Variants in PDZRN4 observed in about 807,000 individuals in gnomAD.
The protein encoded by PDZRN4 is PDZ domain-containing RING finger protein 4.
Under a neutral mutation model 99.0 loss-of-function variants are expected in PDZRN4, and 70 were observed. The observed-to-expected ratio is 0.71, with a 90% CI of 0.58 to 0.86. PDZRN4 has a LOEUF of 0.86. Among genes scored for constraint, PDZRN4 ranks in the 40% least tolerant of loss-of-function variants. The pLI, the probability that PDZRN4 is intolerant of heterozygous loss-of-function variation, is 0.00. For missense variants in PDZRN4, 1,474 were observed against 1,331.2 expected (o/e 1.11, Z -1.67); for synonymous variants, 551 against 501.6 (o/e 1.10, Z -1.32).
chr12:41,191,026 C>T (rs1333791855), intron 1 of PDZRN4, among the ~76,000 whole-genome samples: 1 of 152,138 alleles, frequency 6.6e-6, no homozygotes, highest in Non-Finnish European at 1.5e-5. Context: ...TCCAGTGTTT[C>T]TTAAATTCCT....
intron 3 of PDZRN4, among the ~76,000 whole-genome samples, chr12:41,458,389 T>A (rs1952836374): frequency 6.6e-6 from 1 of 152,152 alleles, no homozygotes; most frequent in African/African-American, 2.4e-5. Context: ...ACTACTGACC[T>A]CAGGTGATCC....
intron 3 of PDZRN4, among the ~76,000 whole-genome samples, chr12:41,502,330 C>T (rs941878431): frequency 6.6e-6 from 1 of 152,076 alleles, no homozygotes; most frequent in Non-Finnish European, 1.5e-5. Context: ...ATTGCATATA[C>T]TACTCCTGTT....
intron 3 of PDZRN4, among the ~76,000 whole-genome samples, chr12:41,478,334 T>C (rs1319659320): frequency 6.6e-6 from 1 of 152,136 alleles, no homozygotes; most frequent in African/African-American, 2.4e-5. Flanking sequence ...CAGGCTGATC[T>C]CCAGCTCCTG....
At chr12:41,237,162 T>C (rs1475090290) in intron 3 of PDZRN4, among the ~76,000 whole-genome samples, 2 of 152,130 alleles carry the variant, frequency 1.3e-5, no homozygotes, top group Non-Finnish European at 2.9e-5. Context: ...TTGATACTGG[T>C]GCCCCCTCAT....
intron 3 of PDZRN4, among the ~76,000 whole-genome samples, chr12:41,499,714 G>A (rs1592086024): frequency 1.3e-5 from 2 of 152,034 alleles, no homozygotes; most frequent in East Asian, 3.9e-4. Flanking sequence ...ACAAATAATG[G>A]ATCCATAACC....
intron 3 of PDZRN4, among the ~76,000 whole-genome samples, chr12:41,226,201 G>T (rs1221093445): frequency 6.6e-6 from 1 of 151,938 alleles, no homozygotes; most frequent in East Asian, 1.9e-4. Context: ...CCAGCTTCAT[G>T]GCTTTGCTCC....
chr12:41,239,881 A>T (rs1468653819), intron 3 of PDZRN4, among the ~76,000 whole-genome samples: 1 of 152,206 alleles, frequency 6.6e-6, no homozygotes, highest in African/African-American at 2.4e-5. Context: ...CTTGAAATGG[A>T]TTGGGCTAAA....
At chr12:41,205,378 G>T (rs76699760) in intron 3 of PDZRN4, among the ~76,000 whole-genome samples, 3 of 151,666 alleles carry the variant, frequency 2.0e-5, no homozygotes, top group South Asian at 2.1e-4. Flanking sequence ...CCTTCCCTGC[G>T]CATGGGATAA....
chr12:41,551,306 G>A (rs937626335), intron 5 of PDZRN4, among the ~76,000 whole-genome samples: 11 of 152,018 alleles, frequency 7.2e-5, no homozygotes, highest in Admixed American at 3.3e-4. Flanking sequence ...ACCTACCAAA[G>A]TTGATTACCT....
intron 5 of PDZRN4, among the ~76,000 whole-genome samples, chr12:41,532,193 G>A (rs190398484): frequency 2.6e-5 from 4 of 151,974 alleles, no homozygotes; most frequent in Non-Finnish European, 5.9e-5. Context: ...TTTTCACCTG[G>A]TATGTAGTTA....
chr12:41,335,658 T>C (rs1481712164), intron 3 of PDZRN4, among the ~76,000 whole-genome samples: 1 of 152,100 alleles, frequency 6.6e-6, no homozygotes, highest in East Asian at 1.9e-4. Flanking sequence ...GCACTGAGAA[T>C]GAAGAGGCTA....
intron 3 of PDZRN4, among the ~76,000 whole-genome samples, chr12:41,232,515 A>G (rs1336816696): frequency 6.6e-6 from 1 of 152,056 alleles, no homozygotes; most frequent in East Asian, 1.9e-4. Context: ...TTATCCTTAC[A>G]TGTTTAGCAC....
At chr12:41,545,103 T>G (rs1315724593) in intron 5 of PDZRN4, among the ~76,000 whole-genome samples, 1 of 152,256 alleles carries the variant, frequency 6.6e-6, no homozygotes, top group East Asian at 1.9e-4. Flanking sequence ...GTCATCTTTC[T>G]AAACTACAAA....
intron 3 of PDZRN4, chr12:41,412,576 C>G (rs1952408391): frequency 6.6e-6 from 1 of 151,964 alleles, no homozygotes; most frequent in Non-Finnish European, 1.5e-5. Flanking sequence ...AGTAAACAAA[C>G]AAAAAGGACG....
At chr12:41,190,911 T>C (rs1420804776) in intron 1 of PDZRN4, among the ~76,000 whole-genome samples, 1 of 152,202 alleles carries the variant, frequency 6.6e-6, no homozygotes, top group African/African-American at 2.4e-5. Flanking sequence ...GCAGGAATTA[T>C]GCAAAACCAA....
At chr12:41,560,514 GAC>G (rs1939251096) in intron 7 of PDZRN4, among the ~76,000 whole-genome samples, 1 of 152,108 alleles carries the variant, frequency 6.6e-6, no homozygotes. Context: ...AAGAAAATGA[GAC>G]AGTTATGTTA....
At chr12:41,500,147 T>G (rs1938084795) in intron 3 of PDZRN4, among the ~76,000 whole-genome samples, 3 of 151,976 alleles carry the variant, frequency 2.0e-5, no homozygotes, top group African/African-American at 7.2e-5. Flanking sequence ...CCCACCCTAT[T>G]GTTGCTCTCT....
intron 3 of PDZRN4, among the ~76,000 whole-genome samples, chr12:41,205,462 C>G (rs1351786525): frequency 6.6e-6 from 1 of 151,908 alleles, no homozygotes; most frequent in African/African-American, 2.4e-5. Flanking sequence ...ACTCCTTTGT[C>G]CACCCTCCCC....
intron 5 of PDZRN4, among the ~76,000 whole-genome samples, chr12:41,531,341 C>G (rs1592099340): frequency 1.3e-5 from 2 of 152,288 alleles, no homozygotes; most frequent in South Asian, 4.1e-4. Context: ...CAGTGGATGG[C>G]CTGCCGGAGT....
Sources: allele counts gnomAD v4.1 joint callset (sites outside exome capture counted in the v4.1 genomes callset), GRCh38; gene constraint gnomAD v4.1.1; transcripts MANE v1.5; gene names NCBI Gene and HGNC (gene_info 2026-07-23, HGNC 2026-07-21).